TRDN: variants seen among roughly 807,000 people sequenced by gnomAD.
The protein encoded by TRDN is triadin.
In TRDN, 161 loss-of-function variants were observed where a neutral mutation model predicts 149.7. The ratio of observed to expected loss-of-function variants is 1.08; its 90% CI spans 0.95 to 1.23. The LOEUF (loss-of-function observed/expected upper bound fraction) is 1.23, where lower values mean the gene tolerates loss of function less well. Among genes scored for constraint, TRDN ranks in the 50% most tolerant of loss-of-function variants. The pLI is 0.00. For synonymous variants in TRDN, 294 were observed against 250.5 expected (o/e 1.17, Z -1.64); for missense variants, 896 against 823.5 (o/e 1.09, Z -1.08).
chr6:123,618,617 A>T (rs1341323378), intron 1 of TRDN, among the ~76,000 whole-genome samples: 1 of 152,194 alleles, frequency 6.6e-6, no homozygotes, highest in Non-Finnish European at 1.5e-5. Flanking sequence ...CAATATTCTC[A>T]CTACTCTTCA....
At chr6:123,495,275 T>C (rs943291068) in intron 9 of TRDN, among the ~76,000 whole-genome samples, 2 of 151,774 alleles carry the variant, frequency 1.3e-5, no homozygotes, top group African/African-American at 2.4e-5. Context: ...TCCCAGCACC[T>C]TGGGAGGCCG....
At chr6:123,240,415 T>A (rs1053856405) in intron 38 of TRDN, among the ~76,000 whole-genome samples, 3 of 151,816 alleles carry the variant, frequency 2.0e-5, no homozygotes, top group African/African-American at 7.2e-5. Context: ...GGTCTTTTTT[T>A]CTCTTTCTGT....
chr6:123,259,601 A>G (rs752051967), intron 35 of TRDN, 23 bp downstream of exon 35: 3 of 1,430,162 alleles, frequency 2.1e-6, no homozygotes, highest in South Asian at 1.3e-5. Context: ...TTTGATGTAT[A>G]TGTCTTAAAA....
At chr6:123,280,031 T>C (rs761968633) in intron 24 of TRDN, among the ~76,000 whole-genome samples, 6 of 152,110 alleles carry the variant, frequency 3.9e-5, no homozygotes, top group Non-Finnish European at 7.4e-5. Context: ...GGGAAACAAA[T>C]GAGATGTACC....
chr6:123,433,323 T>C (rs936296631), intron 12 of TRDN, among the ~76,000 whole-genome samples: 10 of 151,772 alleles, frequency 6.6e-5, no homozygotes, highest in South Asian at 4.2e-4. Flanking sequence ...TTATATTCTA[T>C]CATTGCCTTA....
chr6:123,246,383 A>C (rs1259829215), intron 38 of TRDN, among the ~76,000 whole-genome samples: 1 of 152,174 alleles, frequency 6.6e-6, no homozygotes, highest in African/African-American at 2.4e-5. Context: ...AGACACAATA[A>C]AAAATGATAA....
intron 1 of TRDN, among the ~76,000 whole-genome samples, chr6:123,589,770 T>C (rs985818619): frequency 2.0e-5 from 3 of 152,186 alleles, no homozygotes; most frequent in Non-Finnish European, 4.4e-5. Context: ...CTAGTAATGA[T>C]AAATACTTCA....
intron 24 of TRDN, among the ~76,000 whole-genome samples, chr6:123,285,456 A>G (rs1777769920): frequency 6.6e-6 from 1 of 152,244 alleles, no homozygotes; most frequent in East Asian, 1.9e-4. Flanking sequence ...CTATTCAACA[A>G]ATGGTGCTGG....
intron 23 of TRDN, among the ~76,000 whole-genome samples, chr6:123,318,374 A>T (rs2114702922): frequency 6.6e-6 from 1 of 152,092 alleles, no homozygotes; most frequent in African/African-American, 2.4e-5. Flanking sequence ...ATGCTATTTT[A>T]ATCCCCATTT....
In TRDN at chr6:123,426,237, A is replaced by T. The variant is rs375570919; in HGVS notation, c.1051+11826T>A. Among the ~76,000 whole-genome samples the T allele has an allele frequency of 9.9e-4, 151 of 152,262 alleles. 2 individuals carry two copies. The South Asian group carries it at 0.022, about 22-fold the overall frequency. On this transcript the variant is annotated intron_variant, in intron 12 of 40. Coordinates refer to ENST00000334268, the MANE Select transcript of TRDN (RefSeq NM_006073.4). ...TCTAATTTTTATTTTCTGAGAAAAA[A>T]AGGAAGCAAATAATTTGGCTGATAG...
chr6:123,247,667 C>A (rs1346511900), intron 38 of TRDN, among the ~76,000 whole-genome samples: 1 of 151,998 alleles, frequency 6.6e-6, no homozygotes, highest in African/African-American at 2.4e-5. Context: ...TAAAATGACC[C>A]TACTACCTAA....
Position 123,260,702 on chromosome 6 carries a change from GT to G in TRDN, c.1805-65del, listed in dbSNP as rs1157719540. 9 of 1,273,614 alleles carry G rather than the reference GT, an allele frequency of 7.1e-6. No individual in the cohort carries two copies. The African/African-American group carries it at 1.4e-4, about 20-fold the overall frequency. The allele number at this position is 1,273,614 out of a possible 1,614,324, so 78.9% of individuals were successfully genotyped here. ...AAAAAAAATAAAAAGAAAAAGTATAGTTTTTTATTCAGTAGCAAACAATTGA... is the reference window on the plus strand; with the variant it reads ...AAAAAAAATAAAAAGAAAAAGTATAGTTTTTATTCAGTAGCAAACAATTGA... On this transcript the variant is annotated intron_variant, in intron 33 of 40. Coordinates refer to ENST00000334268, the MANE Select transcript of TRDN (RefSeq NM_006073.4).
chr6:123,267,279 A>G (rs950074080), intron 32 of TRDN, among the ~76,000 whole-genome samples: 2 of 151,992 alleles, frequency 1.3e-5, no homozygotes, highest in African/African-American at 4.8e-5. Context: ...TTTTAAAAGA[A>G]TTAAGCTAAC....
At chr6:123,545,555 A>T (rs952245259) in intron 4 of TRDN, among the ~76,000 whole-genome samples, 2 of 151,792 alleles carry the variant, frequency 1.3e-5, no homozygotes, top group Non-Finnish European at 2.9e-5. Context: ...TTAAATGTCA[A>T]TTTTTTTCAT....
intron 19 of TRDN, among the ~76,000 whole-genome samples, chr6:123,367,007 A>C (rs995462896): frequency 6.6e-6 from 1 of 152,156 alleles, no homozygotes; most frequent in African/African-American, 2.4e-5. Flanking sequence ...AGAAAATTTC[A>C]TTTGAATGTT....
chr6:123,622,240 A>G (rs928953703), intron 1 of TRDN, among the ~76,000 whole-genome samples: 16 of 151,968 alleles, frequency 1.1e-4, no homozygotes, highest in Admixed American at 6.6e-4. Flanking sequence ...TATCTTCTTT[A>G]TGATTTTCTT....
chr6:123,571,837 G>A (rs1232031111), intron 1 of TRDN, among the ~76,000 whole-genome samples: 7 of 151,772 alleles, frequency 4.6e-5, no homozygotes, highest in Non-Finnish European at 7.4e-5. Context: ...TTGCCATTCT[G>A]TATTTCTCAA....
At chr6:123,548,073 G>T (rs1781207409) in intron 3 of TRDN, among the ~76,000 whole-genome samples, 4 of 151,858 alleles carry the variant, frequency 2.6e-5, no homozygotes. Flanking sequence ...TGTATTTTTA[G>T]TTTTACTGTT....
chr6:123,346,021 C>T (rs943562434), intron 21 of TRDN, among the ~76,000 whole-genome samples: 1 of 151,938 alleles, frequency 6.6e-6, no homozygotes, highest in Non-Finnish European at 1.5e-5. Context: ...CATTTATTTC[C>T]TTTTCTTATA....
Sources: gnomAD v4.1 joint callset for allele counts (sites outside exome capture counted in the v4.1 genomes callset) on GRCh38, gnomAD v4.1.1 for gene constraint, MANE v1.5 for transcripts, NCBI Gene and HGNC (gene_info 2026-07-23, HGNC 2026-07-21) for gene names.